The following SLC15A2 variants were observed in gnomAD, a reference collection of about 807,000 sequenced individuals.
The protein encoded by SLC15A2 is kidney H(+)/peptide cotransporter.
In SLC15A2, 77 loss-of-function variants were observed where a neutral mutation model predicts 95.5. The observed-to-expected ratio is 0.81, with a 90% CI of 0.67 to 0.97. The LOEUF (loss-of-function observed/expected upper bound fraction) is 0.97. Ranked by LOEUF, SLC15A2 falls within the 50% of genes least tolerant of loss-of-function variation. SLC15A2 has a pLI of 0.00. For missense variants in SLC15A2, 893 were observed against 874.4 expected, an observed-to-expected ratio of 1.02 and a Z score of -0.27; for synonymous variants, 306 against 306.9, an observed-to-expected ratio of 1.00 and a Z score of 0.03.
intron 17 of SLC15A2, among the ~76,000 whole-genome samples, chr3:121,930,436 TTATA>T (rs1463970468): frequency 6.6e-6 from 1 of 152,188 alleles, no homozygotes; most frequent in African/African-American, 2.4e-5. Flanking sequence ...TATCATATCT[TTATA>T]TATGCATAAT....
At chr3:121,914,911 T>A in intron 5 of SLC15A2, 4 of 713,442 alleles carry the variant, frequency 5.6e-6, no homozygotes, top group Non-Finnish European at 7.0e-6. Flanking sequence ...AACCCAGACA[T>A]TTAATGCAAA....
chr3:121,915,090 T>A, intron 5 of SLC15A2, 137 bp from the exon 6 acceptor site: 2 of 1,111,974 alleles, frequency 1.8e-6, no homozygotes, highest in Non-Finnish European at 2.5e-6. Context: ...TATCTATTAA[T>A]AATATGAAAT....
At chr3:121,909,946 G>T (rs768170530) in intron 3 of SLC15A2, among the ~76,000 whole-genome samples, 19 of 151,608 alleles carry the variant, frequency 1.3e-4, no homozygotes, top group Non-Finnish European at 2.4e-4. Context: ...ATTGGATACC[G>T]ATCTTACTAC....
chr3:121,928,030 A>G (rs1047801298), intron 14 of SLC15A2, among the ~76,000 whole-genome samples, 191 bp downstream of exon 14: 1 of 152,222 alleles, frequency 6.6e-6, no homozygotes, highest in Non-Finnish European at 1.5e-5. Context: ...CCCACCTCCC[A>G]CCTGAGTGAC....
intron 3 of SLC15A2, among the ~76,000 whole-genome samples, chr3:121,910,766 T>C (rs930576880): frequency 2.0e-5 from 3 of 152,226 alleles, no homozygotes; most frequent in African/African-American, 7.2e-5. Context: ...GTAGTACACA[T>C]AAGGAATATA....
chr3:121,912,153 A>C (rs1020837293), intron 4 of SLC15A2, among the ~76,000 whole-genome samples: 1 of 152,192 alleles, frequency 6.6e-6, no homozygotes, highest in Non-Finnish European at 1.5e-5. Context: ...GCTGTTCACA[A>C]AGCAGTTTAT....
chr3:121,921,402 A>T (rs1346876549), intron 7 of SLC15A2, among the ~76,000 whole-genome samples: 2 of 151,678 alleles, frequency 1.3e-5, no homozygotes, highest in Non-Finnish European at 2.9e-5. Flanking sequence ...GTCAAGCCTC[A>T]GGTCAAAAGT....
At chr3:121,927,356 A>G (rs1413812287) in intron 13 of SLC15A2, among the ~76,000 whole-genome samples, 2 of 152,220 alleles carry the variant, frequency 1.3e-5, no homozygotes, top group Non-Finnish European at 2.9e-5. Flanking sequence ...ATGGGAGTGA[A>G]TTCTCATGAA....
rs772024822 is a variant in SLC15A2, at chr3:121,929,035, C to T, written c.1395C>T (p.His465=). Residue 465 remains histidine (H), a synonymous_variant, in exon 16 of 22, where the codon CAC becomes CAT. Transcript: ENST00000489711. ...LHLKTKSQDF[H]FHLKYHNLSL... ...TGAAAACAAAAAGCCAGGATTTTCACTTCCACCTGAAATATCACAATTTGT... is the reference window on the plus strand; with the variant it reads ...TGAAAACAAAAAGCCAGGATTTTCATTTCCACCTGAAATATCACAATTTGT... 2 of 1,614,156 alleles carry T rather than the reference C, an allele frequency of 1.2e-6. No homozygotes were observed. Among genetic ancestry groups the T allele is most frequent in the South Asian group, 1.1e-5 (1 of 91,076 alleles).
chr3:121,936,811 T>A (rs1576693396), intron 19 of SLC15A2, among the ~76,000 whole-genome samples: 3 of 145,730 alleles, frequency 2.1e-5, no homozygotes, highest in African/African-American at 7.6e-5. Flanking sequence ...GTCATTATGA[T>A]GTTAGCTGGT....
At chr3:121,934,536 G>A (rs1393400534) in intron 19 of SLC15A2, among the ~76,000 whole-genome samples, 2 of 149,412 alleles carry the variant, frequency 1.3e-5, no homozygotes, top group Non-Finnish European at 3.0e-5. Context: ...TTGTGAATGG[G>A]AGTTCACTCA....
At chr3:121,916,395 G>C (rs1243917550) in intron 7 of SLC15A2, among the ~76,000 whole-genome samples, 1 of 152,112 alleles carries the variant, frequency 6.6e-6, no homozygotes, top group African/African-American at 2.4e-5. Flanking sequence ...TCTCCACTCT[G>C]AGCCTCAGAG....
chr3:121,906,351 C>T (rs1709644649), intron 3 of SLC15A2, among the ~76,000 whole-genome samples: 2 of 152,170 alleles, frequency 1.3e-5, no homozygotes, highest in African/African-American at 2.4e-5. Context: ...GCATTCAGCC[C>T]ATTTACATTT....
At chr3:121,896,319 A>C in intron 1 of SLC15A2, 87 bp from the exon 2 acceptor site, 1 of 1,035,260 alleles carries the variant, frequency 9.7e-7, no homozygotes, top group Non-Finnish European at 1.5e-6. Flanking sequence ...GATTTGAAAT[A>C]AATGAATTTT....
At position 121,896,409 on chromosome 3, in the gene SLC15A2, A is replaced by G. The variant is rs772586094; in HGVS notation, c.109A>G (p.Ile37Val). ...PSPPKKPSPT[I>V]CGSNYPLSIA... ...TCATTGCCTTCTTGTTGAATAGACA[A>G]TCTGTGGCTCCAACTATCCACTGAG... is the stretch of plus-strand genomic sequence containing the variant. Residue 37 changes from isoleucine to valine, a missense_variant, in exon 2 of 22, where the codon ATC (isoleucine) becomes GTC (valine). Transcript: ENST00000489711. 21 of 1,612,856 alleles carry G rather than the reference A, an allele frequency of 1.3e-5. No individual in the cohort carries two copies. Among genetic ancestry groups the G allele is most frequent in the African/African-American group, 1.1e-4 (8 of 75,016 alleles).
At chr3:121,936,894 G>T (rs1222914355) in intron 19 of SLC15A2, among the ~76,000 whole-genome samples, 1 of 147,070 alleles carries the variant, frequency 6.8e-6, no homozygotes, top group African/African-American at 2.5e-5. Flanking sequence ...ATTTTGCAGC[G>T]GCTGGTACCG....
intron 7 of SLC15A2, among the ~76,000 whole-genome samples, chr3:121,920,771 G>A (rs1456483319): frequency 1.3e-5 from 2 of 152,186 alleles, no homozygotes; most frequent in African/African-American, 4.8e-5. Context: ...TAAATGAGAC[G>A]AATGGAGATA....
chr3:121,927,670 T>G (rs771436633), intron 13 of SLC15A2, 88 bp from the exon 14 acceptor site: 73 of 925,356 alleles, frequency 7.9e-5, no homozygotes, highest in Non-Finnish European at 1.1e-4. Context: ...AACAGTCTAA[T>G]GCAGTCTTTA....
At chr3:121,932,871 A>T (rs1426585905) in intron 19 of SLC15A2, among the ~76,000 whole-genome samples, 1 of 152,100 alleles carries the variant, frequency 6.6e-6, no homozygotes, top group African/African-American at 2.4e-5. Flanking sequence ...CTAACTCGTC[A>T]TCTAGCATTA....
Sources: gnomAD v4.1 joint callset for allele counts (sites outside exome capture counted in the v4.1 genomes callset) on GRCh38, gnomAD v4.1.1 for gene constraint, MANE v1.5 for transcripts, NCBI Gene and HGNC (gene_info 2026-07-23, HGNC 2026-07-21) for gene names.